Variants in MTA3 observed in about 807,000 individuals in gnomAD.
MTA3 encodes the protein metastasis associated 1 family member 3.
Under a neutral mutation model 83.5 loss-of-function variants are expected in MTA3, and 34 were observed. The observed-to-expected ratio is 0.41, with a 90% confidence interval of 0.31 to 0.54. The LOEUF (loss-of-function observed/expected upper bound fraction) is 0.54. Among genes scored for constraint, MTA3 ranks in the 20% least tolerant of loss-of-function variants. MTA3 has a pLI of 0.33. For synonymous variants in MTA3, 303 were observed against 252.7 expected (o/e 1.20, Z -1.89); for missense variants, 761 against 726.4 (o/e 1.05, Z -0.55).
intron 8 of MTA3, among the ~76,000 whole-genome samples, chr2:42,663,242 G>A (rs898814847): frequency 6.6e-6 from 1 of 152,104 alleles, no homozygotes; most frequent in Non-Finnish European, 1.5e-5. Context: ...GAGAGTTCTC[G>A]TGGCAGCTGG....
chr2:42,632,723 A>G (rs1558524269), intron 4 of MTA3, among the ~76,000 whole-genome samples: 1 of 152,012 alleles, frequency 6.6e-6, no homozygotes, highest in Non-Finnish European at 1.5e-5. Context: ...TTTGTCAGTC[A>G]TTTTTCTTCA....
At chr2:42,692,486 G>A (rs574386081) in intron 9 of MTA3, among the ~76,000 whole-genome samples, 9 of 150,270 alleles carry the variant, frequency 6.0e-5, no homozygotes, top group South Asian at 2.1e-4. Context: ...GTGCAATGGC[G>A]TGATCTCGGC....
intron 2 of MTA3, among the ~76,000 whole-genome samples, chr2:42,504,601 C>T (rs998530078): frequency 3.9e-5 from 6 of 152,004 alleles, no homozygotes; most frequent in African/African-American, 1.2e-4. Context: ...CTGTGTCATA[C>T]TTATGACACC....
chr2:42,535,111 G>A (rs1363168438), intron 2 of MTA3, among the ~76,000 whole-genome samples: 1 of 152,100 alleles, frequency 6.6e-6, no homozygotes, highest in Non-Finnish European at 1.5e-5. Flanking sequence ...TACAGGCTGG[G>A]CGCGGTGGCT....
intron 3 of MTA3, among the ~76,000 whole-genome samples, chr2:42,609,215 G>C (rs1179397029): frequency 6.6e-6 from 1 of 151,956 alleles, no homozygotes; most frequent in Non-Finnish European, 1.5e-5. Context: ...ATTTTTAGTA[G>C]AGATGGGGTT....
chr2:42,644,131 C>A lies in MTA3; in HGVS notation c.386C>A (p.Thr129Asn), dbSNP rs761809163. 10 of 1,586,024 alleles carry A rather than the reference C, an allele frequency of 6.3e-6. No individual in the cohort carries two copies. Among genetic ancestry groups the A allele is most frequent in the Middle Eastern group, 1.7e-4 (1 of 5,958 alleles). The change falls in exon 6 of 17, where the codon ACC (threonine) becomes AAC (asparagine). Residue 129 changes from threonine (T) to asparagine (N), a missense_variant. Physicochemically the swap from Thr to Asn is moderately conservative, Grantham distance 65 (BLOSUM62 0). Coordinates refer to ENST00000405094, the MANE Select transcript of MTA3 (RefSeq NM_001330442.2). Reference protein sequence around the residue: ...SVLSYLDKEDTFFYSLVYDPS... With the variant: ...SVLSYLDKEDNFFYSLVYDPS... ...GTATTTTGTCATATTTTTCAGGATACCTTCTTCTACTCATTGGTCTATGAC... is the reference window on the plus strand; with the variant it reads ...GTATTTTGTCATATTTTTCAGGATAACTTCTTCTACTCATTGGTCTATGAC...
intron 8 of MTA3, among the ~76,000 whole-genome samples, chr2:42,678,246 C>T (rs1298120257): frequency 6.6e-6 from 1 of 152,150 alleles, no homozygotes; most frequent in East Asian, 1.9e-4. Flanking sequence ...GAAGACTACA[C>T]ATGGCCAGTG....
At chr2:42,740,017 G>T (rs1319260565) in intron 16 of MTA3, among the ~76,000 whole-genome samples, 1 of 152,130 alleles carries the variant, frequency 6.6e-6, no homozygotes, top group Non-Finnish European at 1.5e-5. Flanking sequence ...ATGAGGGTTG[G>T]AATCAATTTC....
intron 16 of MTA3, among the ~76,000 whole-genome samples, chr2:42,748,901 T>C (rs1163183131): frequency 6.6e-6 from 1 of 152,208 alleles, no homozygotes; most frequent in Non-Finnish European, 1.5e-5. Context: ...TTTGAAGCTT[T>C]ATTAAGCCTC....
At chr2:42,648,837 A>G (rs544045121) in intron 6 of MTA3, among the ~76,000 whole-genome samples, 22 of 152,340 alleles carry the variant, frequency 1.4e-4, no homozygotes, top group Non-Finnish European at 2.4e-4. Context: ...AAAGTATGTT[A>G]TGAAAACCTT....
At position 42,754,577 on chromosome 2, in the gene MTA3, C is replaced by G. The variant is rs888648404; in HGVS notation, c.*1178C>G. The G allele has an allele frequency of 1.0e-6, 1 of 985,352 alleles. No individual in the cohort carries two copies. The highest frequency in any genetic ancestry group is 4.7e-5 in the South Asian group (1 of 21,284). The allele number at this position is 985,352 out of a possible 1,614,324, so 61.0% of individuals were successfully genotyped here. ...GCAAGGATAGGAATAGCTCAGCGCC[C>G]GATGAGCTCCCTGAGCAGATGTGAG... On this transcript the variant is annotated 3_prime_UTR_variant, in exon 17 of 17. Coordinates refer to ENST00000405094, the MANE Select transcript of MTA3 (RefSeq NM_001330442.2).
At chr2:42,572,691 G>A (rs1678623504) in intron 2 of MTA3, among the ~76,000 whole-genome samples, 1 of 152,156 alleles carries the variant, frequency 6.6e-6, no homozygotes, top group African/African-American at 2.4e-5. Context: ...GACAAAAGAA[G>A]CCTTATGATT....
intron 4 of MTA3, among the ~76,000 whole-genome samples, chr2:42,612,279 A>T (rs914493986): frequency 6.6e-5 from 10 of 152,082 alleles, no homozygotes; most frequent in African/African-American, 2.4e-4. Flanking sequence ...TAGTGGCATG[A>T]TCATAGCTCA....
intron 2 of MTA3, among the ~76,000 whole-genome samples, chr2:42,504,977 C>G (rs1674566711): frequency 6.6e-6 from 1 of 152,194 alleles, no homozygotes; most frequent in Non-Finnish European, 1.5e-5. Context: ...CTCCCCATCA[C>G]CACTCTGTGG....
chr2:42,679,673 A>G (rs1003850746), intron 8 of MTA3, among the ~76,000 whole-genome samples: 22 of 152,198 alleles, frequency 1.4e-4, no homozygotes, highest in African/African-American at 5.1e-4. Context: ...AGGAAATATA[A>G]ACAACAGTGC....
chr2:42,679,835 G>GT (rs1691708281), intron 8 of MTA3, among the ~76,000 whole-genome samples: 2 of 145,372 alleles, frequency 1.4e-5, no homozygotes, highest in African/African-American at 5.1e-5. Context: ...AGATGGCTGT[G>GT]TGTTGTTTTT....
intron 2 of MTA3, among the ~76,000 whole-genome samples, chr2:42,527,054 A>G (rs1282425382): frequency 7.0e-6 from 1 of 143,664 alleles, no homozygotes; most frequent in Non-Finnish European, 1.5e-5. Flanking sequence ...CTCTGTCTCA[A>G]AAAAAAAAAA....
At chr2:42,655,065 T>A (rs1377858398) in intron 6 of MTA3, among the ~76,000 whole-genome samples, 10 of 152,212 alleles carry the variant, frequency 6.6e-5, no homozygotes, top group Non-Finnish European at 1.5e-4. Flanking sequence ...CCTCATTACT[T>A]GTGAAGGAAC....
chr2:42,691,924 C>G (rs1459240230), intron 9 of MTA3, among the ~76,000 whole-genome samples: 1 of 152,156 alleles, frequency 6.6e-6, no homozygotes, highest in Admixed American at 6.5e-5. Context: ...TGTTTTTGCT[C>G]TCGTTGCTTT....
Sources: allele counts gnomAD v4.1 joint callset (sites outside exome capture counted in the v4.1 genomes callset), GRCh38; gene constraint gnomAD v4.1.1; transcripts MANE v1.5; gene names NCBI Gene and HGNC (gene_info 2026-07-23, HGNC 2026-07-21).